The following PRDM1 variants were observed in gnomAD, a reference collection of about 807,000 sequenced individuals.
The protein encoded by PRDM1 is PR domain zinc finger protein 1.
Under a neutral mutation model 62.8 loss-of-function variants are expected in PRDM1, and 13 were observed. That is an observed-to-expected ratio of 0.21 (90% confidence interval 0.13 to 0.33). The LOEUF is 0.33. Among genes scored for constraint, PRDM1 ranks in the 10% least tolerant of loss-of-function variants. PRDM1 has a pLI of 1.00. For missense variants in PRDM1, 895 were observed against 1,058.8 expected, an observed-to-expected ratio of 0.85 and a Z score of 2.15; for synonymous variants, 396 against 417.6, an observed-to-expected ratio of 0.95 and a Z score of 0.63.
chr6:106,088,254 G>T lies in PRDM1; in HGVS notation c.96G>T (p.Gly32=). 6.2e-7 allele frequency: 1 copy of T among 1,614,096 alleles called. No homozygotes were observed. Among genetic ancestry groups the T allele is most frequent in the Non-Finnish European group, 8.5e-7 (1 of 1,180,010 alleles). Residue 32 remains glycine (G), a synonymous_variant, in exon 2 of 7, where the codon GGG becomes GGT. Transcript: ENST00000369096. The part of the protein sequence containing the change: ...STVRFQGLAE[G]TKGTMKMDME... ...TGAGGTTTCAGGGATTGGCAGAGGG[G>T]ACCAAGGGGACCATGAAAATGGACA...
chr6:105,996,489 T>C (rs1404836620), intron 1 of PRDM1, among the ~76,000 whole-genome samples: 1 of 152,176 alleles, frequency 6.6e-6, no homozygotes, highest in African/African-American at 2.4e-5. Flanking sequence ...AGATTTGTCA[T>C]TGTAAGTTAC....
chr6:106,095,866 T>C, intron 3 of PRDM1, 132 bp downstream of exon 3: 1 of 965,184 alleles, frequency 1.0e-6, no homozygotes, highest in Non-Finnish European at 1.5e-6. Flanking sequence ...AGCATCCCCA[T>C]GGACACAGGG....
At chr6:106,063,626 A>C (rs973179462) in intron 1 of PRDM1, among the ~76,000 whole-genome samples, 49 of 152,218 alleles carry the variant, frequency 3.2e-4, no homozygotes, top group African/African-American at 1.2e-3. Flanking sequence ...CAAAATATTT[A>C]TTAGTCAATT....
In PRDM1 at chr6:106,092,146, AAC is replaced by A. The variant is rs771807993; in HGVS notation, c.292-3467_292-3466del. On this transcript the variant is annotated intron_variant, in intron 2 of 6. Coordinates refer to ENST00000369096, the MANE Select transcript of PRDM1 (RefSeq NM_001198.4). Reference sequence around the variant, plus strand: ...AAGGAATTTGAAAAAAAAAAAAAAAAACAAACCTATATTGTCCTTGTTATCAG... The same window carrying A: ...AAGGAATTTGAAAAAAAAAAAAAAAAAAACCTATATTGTCCTTGTTATCAG... Among the ~76,000 whole-genome samples the A allele has an allele frequency of 6.5e-3, 957 of 146,884 alleles. 20 individuals are homozygous for A. The highest frequency in any genetic ancestry group is 0.018 in the African/African-American group (718 of 40,002).
At chr6:106,039,817 T>A (rs1465942158) in intron 1 of PRDM1, among the ~76,000 whole-genome samples, 2 of 152,262 alleles carry the variant, frequency 1.3e-5, no homozygotes, top group African/African-American at 2.4e-5. Flanking sequence ...TAAGTATTTC[T>A]TGCTGACATC....
chr6:106,092,143 A>C (rs1048710460), intron 2 of PRDM1, among the ~76,000 whole-genome samples: 5 of 147,970 alleles, frequency 3.4e-5, no homozygotes, highest in African/African-American at 9.9e-5. Context: ...AAAAAAAAAA[A>C]AAAACAAACC....
chr6:106,077,014 T>A (rs1001114476), intron 1 of PRDM1, among the ~76,000 whole-genome samples: 2 of 152,198 alleles, frequency 1.3e-5, no homozygotes, highest in Non-Finnish European at 2.9e-5. Flanking sequence ...TTACATTTGT[T>A]TTTAGTGGAT....
At chr6:105,998,929 ATATATTTTTTTTTTT>A (rs1350422666) in intron 1 of PRDM1, among the ~76,000 whole-genome samples, 20 of 2,100 alleles carry the variant, frequency 9.5e-3, no homozygotes, top group African/African-American at 0.025. Context: ...ATATATATAT[ATATATTTTTTTTTTT>A]TTTTTTCTTT....
chr6:106,000,986 A>T (rs768799204), intron 1 of PRDM1, among the ~76,000 whole-genome samples: 36 of 152,208 alleles, frequency 2.4e-4, no homozygotes, highest in Non-Finnish European at 2.9e-4. Context: ...GCATTAATTT[A>T]CACCGATACT....
chr6:106,044,734 G>A (rs1009599931), upstream of PRDM1, among the ~76,000 whole-genome samples: 3 of 152,166 alleles, frequency 2.0e-5, no homozygotes, highest in Non-Finnish European at 2.9e-5. Context: ...ATCAAAGACA[G>A]AATTAAGTCA....
chr6:106,106,232 A>G lies in PRDM1; in HGVS notation c.1774-139A>G, dbSNP rs1488712468. 1 of 1,355,986 alleles carries G rather than the reference A, an allele frequency of 7.4e-7. No homozygotes were observed. The highest frequency in any genetic ancestry group is 1.0e-6 in the Non-Finnish European group (1 of 998,736). 84.0% of individuals were successfully genotyped at this position (1,355,986 alleles called of 1,614,324 possible). On this transcript the variant is annotated intron_variant, in intron 5 of 6. Coordinates refer to ENST00000369096, the MANE Select transcript of PRDM1 (RefSeq NM_001198.4). The surrounding 1 kb of genome is among the most constrained non-coding windows in gnomAD (Gnocchi z 4.4). ...CTTTTAAGAAAAACACCATTCTGAAAACATGAAGATTTCTTCTTTTTAAGA... is the reference window on the plus strand; with the variant it reads ...CTTTTAAGAAAAACACCATTCTGAAGACATGAAGATTTCTTCTTTTTAAGA...
upstream of PRDM1, among the ~76,000 whole-genome samples, chr6:105,993,177 G>T (rs906682339): frequency 3.9e-5 from 6 of 152,278 alleles, no homozygotes; most frequent in East Asian, 3.9e-4. Flanking sequence ...TACTGGAATC[G>T]TTAATTATGC....
intron 1 of PRDM1, among the ~76,000 whole-genome samples, chr6:106,060,380 T>G (rs1426831100): frequency 6.6e-6 from 1 of 152,142 alleles, no homozygotes; most frequent in Non-Finnish European, 1.5e-5. Context: ...AAGTCACTGG[T>G]GAGCAGTGTG....
chr6:106,099,615 C>G (rs1774210716), intron 4 of PRDM1, 63 bp downstream of exon 4: 4 of 1,582,492 alleles, frequency 2.5e-6, no homozygotes, highest in Non-Finnish European at 2.6e-6. Context: ...CCCCTTTGAA[C>G]TAATAACATG....
intron 1 of PRDM1, among the ~76,000 whole-genome samples, chr6:106,002,444 C>T (rs992697665): frequency 2.0e-5 from 3 of 151,776 alleles, no homozygotes; most frequent in Non-Finnish European, 2.9e-5. Flanking sequence ...TTTTGGGGAG[C>T]GATTAAAAGG....
chr6:106,081,614 G>A (rs1773696067), upstream of PRDM1, among the ~76,000 whole-genome samples: 2 of 152,082 alleles, frequency 1.3e-5, no homozygotes, highest in African/African-American at 4.8e-5. Flanking sequence ...GGGGGCTGGG[G>A]GTGGTCAAAT....
rs1774464371 is a variant in PRDM1 at position 106,105,803 on chromosome 6, A to C, written c.1643A>C (p.Asn548Thr). Residue 548 changes from asparagine (N) to threonine (T), a missense_variant, in exon 5 of 7, where the codon AAT becomes ACT. Asn to Thr is a moderately conservative substitution (Grantham distance 65). Coordinates refer to ENST00000369096, the MANE Select transcript of PRDM1 (RefSeq NM_001198.4). ...GCCCCCAGCAGCGACGAAGCCATGA[A>C]TCTCATTAAAAACAAAAGAAACATG... is the stretch of plus-strand genomic sequence containing the variant. The part of the protein sequence containing the change: ...MAAPSSDEAM[N>T]LIKNKRNMTG... 1 of 1,614,092 alleles carries C rather than the reference A, an allele frequency of 6.2e-7. No individual in the cohort carries two copies. Among genetic ancestry groups the C allele is most frequent in the Non-Finnish European group, 8.5e-7 (1 of 1,180,040 alleles).
intron 1 of PRDM1, among the ~76,000 whole-genome samples, chr6:106,078,983 CAG>C (rs1380151190): frequency 6.6e-6 from 1 of 151,576 alleles, no homozygotes; most frequent in African/African-American, 2.4e-5. Flanking sequence ...TATTTTCAGA[CAG>C]AGTCTTACTC....
chr6:106,025,867 C>T (rs960998299), intron 1 of PRDM1, among the ~76,000 whole-genome samples: 6 of 152,150 alleles, frequency 3.9e-5, no homozygotes, highest in Non-Finnish European at 7.4e-5. Flanking sequence ...ATAAACATGA[C>T]TAAAAGTTGG....
Sources: allele counts gnomAD v4.1 joint callset (sites outside exome capture counted in the v4.1 genomes callset), GRCh38; gene constraint gnomAD v4.1.1; non-coding constraint Gnocchi (gnomAD v3.1); transcripts MANE v1.5; gene names NCBI Gene and HGNC (gene_info 2026-07-23, HGNC 2026-07-21).